The following TRPC6 variants were observed in gnomAD, a reference collection of about 807,000 sequenced individuals.
TRPC6 encodes the protein short transient receptor potential channel 6.
TRPC6 carries 55 observed loss-of-function variants against 90.7 expected under a neutral mutation model. The ratio of observed to expected loss-of-function variants is 0.61; its 90% CI spans 0.49 to 0.76. The LOEUF (loss-of-function observed/expected upper bound fraction) is 0.76. Among genes scored for constraint, TRPC6 ranks in the 30% least tolerant of loss-of-function variants. The probability of loss-of-function intolerance (pLI) is 0.00; values close to 1 mark genes in which losing one functional copy is unlikely to be tolerated. For missense variants in TRPC6, 989 were observed against 1,122.7 expected, an observed-to-expected ratio of 0.88 and a Z score of 1.70; for synonymous variants, 393 against 393.0, an observed-to-expected ratio of 1.00 and a Z score of 0.00.
intron 1 of TRPC6, among the ~76,000 whole-genome samples, chr11:101,535,251 G>A (rs1861015326): frequency 6.6e-6 from 1 of 151,744 alleles, no homozygotes; most frequent in African/African-American, 2.4e-5. Context: ...CAAAGCATTT[G>A]AGGAGACAAA....
chr11:101,483,379 TAACTA>T (rs1255769488), intron 4 of TRPC6, among the ~76,000 whole-genome samples: 2 of 152,216 alleles, frequency 1.3e-5, no homozygotes, highest in African/African-American at 4.8e-5. Context: ...TCTTGATTAA[TAACTA>T]AATACATGTA....
intron 1 of TRPC6, among the ~76,000 whole-genome samples, chr11:101,571,212 C>T (rs1044622295): frequency 3.9e-5 from 6 of 152,098 alleles, no homozygotes; most frequent in Admixed American, 1.3e-4. Context: ...CACAAGCATT[C>T]CTATACACCA....
At position 101,583,881 on chromosome 11, in the gene TRPC6, C is replaced by T. The variant is rs200207671; in HGVS notation, c.-378G>A. On this transcript the variant is annotated 5_prime_UTR_variant, in exon 1 of 13. The change creates a premature stop within an existing upstream ORF in the 5' untranslated region. Coordinates refer to ENST00000344327, the MANE Select transcript of TRPC6 (RefSeq NM_004621.6). ...AGTTACTATGTCAACAGAGACTCTC[C>T]AGCCCTCAGCTCCCGCCTTCATCCC... is the stretch of plus-strand genomic sequence containing the variant. 5.2e-6 allele frequency: 1 copy of T among 190,632 alleles called. No individual in the cohort carries two copies. Among genetic ancestry groups the T allele is most frequent in the Non-Finnish European group, 1.1e-5 (1 of 93,856 alleles). The allele number at this position is 190,632 out of a possible 1,614,324, so 11.8% of individuals were successfully genotyped here.
intron 1 of TRPC6, among the ~76,000 whole-genome samples, chr11:101,571,097 A>G (rs1861953996): frequency 6.6e-6 from 1 of 152,210 alleles, no homozygotes; most frequent in African/African-American, 2.4e-5. Flanking sequence ...TTTGCAGATG[A>G]CATGATTGTA....
At chr11:101,485,562 A>T (rs891219895) in intron 4 of TRPC6, among the ~76,000 whole-genome samples, 1 of 148,282 alleles carries the variant, frequency 6.7e-6, no homozygotes, top group African/African-American at 2.6e-5. Flanking sequence ...GGGAAAATCC[A>T]TTATAAATCC....
chr11:101,475,450 A>G (rs1859389630), intron 6 of TRPC6, among the ~76,000 whole-genome samples: 1 of 152,020 alleles, frequency 6.6e-6, no homozygotes, highest in African/African-American at 2.4e-5. Context: ...ACTCTCAGCA[A>G]TTTTCAAGTA....
chr11:101,508,322 G>A (rs998183026), intron 1 of TRPC6, among the ~76,000 whole-genome samples: 8 of 152,060 alleles, frequency 5.3e-5, no homozygotes, highest in Non-Finnish European at 1.2e-4. Context: ...TCTTTTCTAA[G>A]AGAGTATAAT....
rs1386079319 is a variant in TRPC6, at chr11:101,483,164, A to G, written c.1295T>C (p.Met432Thr). Residue 432 changes from methionine (M) to threonine (T), a missense_variant and splice_region_variant, in exon 5 of 13, where the codon ATG (methionine) becomes ACG (threonine). Met to Thr is a moderately conservative substitution (Grantham distance 81, BLOSUM62 -1). Transcript: ENST00000344327. ...GAATGGTCCACGCATTATCTTCCCC[A>G]TCTGCCACAACACACACCAAAATAA... is the stretch of plus-strand genomic sequence containing the variant. ...LIYWFAPCSK[M>T]GKIMRGPFMK... 4 of 1,613,964 alleles carry G rather than the reference A, an allele frequency of 2.5e-6. No homozygotes were observed. The highest frequency in any genetic ancestry group is 3.4e-6 in the Non-Finnish European group (4 of 1,179,888).
intron 10 of TRPC6, among the ~76,000 whole-genome samples, chr11:101,468,961 ATAGATCTC>A (rs1859218885): frequency 2.0e-5 from 3 of 152,308 alleles, no homozygotes; most frequent in South Asian, 2.1e-4. Context: ...GAAGGAGCTG[ATAGATCTC>A]TAGAGTACAT....
chr11:101,581,367 G>A (rs1862193414), intron 1 of TRPC6, among the ~76,000 whole-genome samples: 1 of 152,166 alleles, frequency 6.6e-6, no homozygotes, highest in South Asian at 2.1e-4. Flanking sequence ...AAAGCACTGG[G>A]AAGAGTTTTC....
intron 1 of TRPC6, among the ~76,000 whole-genome samples, chr11:101,517,351 C>A (rs1240842903): frequency 6.6e-6 from 1 of 152,122 alleles, no homozygotes; most frequent in Non-Finnish European, 1.5e-5. Flanking sequence ...TTATCTTACC[C>A]TTTTTCTCTT....
rs747229991 is a variant in TRPC6, at chr11:101,451,575, C to T, written c.*1380G>A. The T allele has an allele frequency of 7.9e-5, 12 of 152,166 alleles. No individual in the cohort carries two copies. Among genetic ancestry groups the T allele is most frequent in the African/African-American group, 1.2e-4 (5 of 41,426 alleles). The allele number at this position is 152,166 out of a possible 1,614,324, so 9.4% of individuals were successfully genotyped here. A position where few individuals can be genotyped will look rare whatever the true frequency, so the allele number is the denominator to read the frequency against. ...ATACTGTCACAAAATATTTGAAAAT[C>T]GATCTTTATGTATCACCAAGTAACT... On this transcript the variant is annotated 3_prime_UTR_variant, in exon 13 of 13. Transcript: ENST00000344327.
In TRPC6 at chr11:101,583,524, C is replaced by T. The variant is rs1565257668; in HGVS notation, c.-21G>A. 7.0e-7 allele frequency: 1 copy of T among 1,436,052 alleles called. No homozygotes were observed. The highest frequency in any genetic ancestry group is 9.1e-7 in the Non-Finnish European group (1 of 1,099,742). The allele number at this position is 1,436,052 out of a possible 1,614,324, so 89.0% of individuals were successfully genotyped here. ...CTCATGGCGGGAACGCCCGACTGGC[C>T]TGGGCCCCGCTCCCGGGGGAGCCGA... is the stretch of plus-strand genomic sequence containing the variant. On this transcript the variant is annotated 5_prime_UTR_variant, in exon 1 of 13. Coordinates refer to ENST00000344327, the MANE Select transcript of TRPC6 (RefSeq NM_004621.6).
chr11:101,502,227 C>T (rs1860146599), intron 2 of TRPC6, among the ~76,000 whole-genome samples: 1 of 152,128 alleles, frequency 6.6e-6, no homozygotes, highest in Non-Finnish European at 1.5e-5. Flanking sequence ...GAATTTACAT[C>T]CTGGTTAAAT....
chr11:101,504,609 T>C lies in TRPC6; in HGVS notation c.360A>G (p.Glu120=). ...NIPVVRKMLE[E]CHSLNVNCVD... is the part of the protein sequence containing the mutation. ...CACAGTTAACGTTGAGTGAGTGGCA[T>C]TCTTCTAACATCTTCCGCACCACTG... is the stretch of plus-strand genomic sequence containing the variant. Residue 120 remains glutamate, a synonymous_variant, in exon 2 of 13, where the codon GAA becomes GAG. Transcript: ENST00000344327. The C allele has an allele frequency of 4.3e-6, 7 of 1,613,860 alleles. No individual in the cohort carries two copies. The highest frequency in any genetic ancestry group is 5.9e-6 in the Non-Finnish European group (7 of 1,179,800).
chr11:101,471,045 T>G, intron 9 of TRPC6, 138 bp downstream of exon 9: 1 of 781,818 alleles, frequency 1.3e-6, no homozygotes, highest in Non-Finnish European at 2.1e-6. Flanking sequence ...GCCAAAGGAC[T>G]GTGCTGTGTG....
chr11:101,579,944 C>A (rs1862157317), intron 1 of TRPC6, among the ~76,000 whole-genome samples: 1 of 152,138 alleles, frequency 6.6e-6, no homozygotes, highest in East Asian at 1.9e-4. Context: ...ACAATCTATA[C>A]TCGCTTTTAA....
At chr11:101,454,547 G>GA (rs986136005) in intron 11 of TRPC6, among the ~76,000 whole-genome samples, 3 of 151,750 alleles carry the variant, frequency 2.0e-5, no homozygotes, top group African/African-American at 7.3e-5. Context: ...TTTGTGGAGA[G>GA]AAAATCACAA....
At chr11:101,463,499 C>T (rs1351557291) in intron 10 of TRPC6, among the ~76,000 whole-genome samples, 1 of 152,118 alleles carries the variant, frequency 6.6e-6, no homozygotes, top group Non-Finnish European at 1.5e-5. Context: ...TGTTATTGGT[C>T]TATTCAGGGA....
Sources: gnomAD v4.1 joint callset for allele counts (sites outside exome capture counted in the v4.1 genomes callset) on GRCh38, gnomAD v4.1.1 for gene constraint, MANE v1.5 for transcripts, NCBI Gene and HGNC (gene_info 2026-07-23, HGNC 2026-07-21) for gene names.